MCC: variants seen among roughly 807,000 people sequenced by gnomAD.
MCC encodes the protein MCC regulator of Wnt signaling pathway.
MCC carries 90 observed loss-of-function variants against 116.2 expected under a neutral mutation model. That is an observed-to-expected ratio of 0.77 (90% confidence interval 0.65 to 0.92). MCC has a LOEUF of 0.92. Among genes scored for constraint, MCC ranks in the 40% least tolerant of loss-of-function variants. The pLI, the probability that MCC is intolerant of heterozygous loss-of-function variation, is 0.00. For missense variants in MCC, 1,516 were observed against 1,312.2 expected, an observed-to-expected ratio of 1.16 and a Z score of -2.40; for synonymous variants, 578 against 510.5, an observed-to-expected ratio of 1.13 and a Z score of -1.78.
At chr5:113,202,030 T>A (rs1368753217) in intron 3 of MCC, among the ~76,000 whole-genome samples, 1 of 152,094 alleles carries the variant, frequency 6.6e-6, no homozygotes, top group Non-Finnish European at 1.5e-5. Flanking sequence ...CACAACCCAG[T>A]CAACAGCAAG....
chr5:113,429,699 G>A (rs1770576808), intron 1 of MCC, among the ~76,000 whole-genome samples: 1 of 152,220 alleles, frequency 6.6e-6, no homozygotes, highest in African/African-American at 2.4e-5. Context: ...GTGGTGTTCT[G>A]TTCAGGGTTT....
intron 3 of MCC, among the ~76,000 whole-genome samples, chr5:113,302,293 G>C (rs937175859): frequency 3.9e-5 from 6 of 151,980 alleles, no homozygotes; most frequent in Admixed American, 6.6e-5. Flanking sequence ...ACAAAACAAT[G>C]TGGTTTCTTC....
chr5:113,196,903 C>T (rs1053471010), intron 3 of MCC, among the ~76,000 whole-genome samples: 5 of 152,086 alleles, frequency 3.3e-5, no homozygotes, highest in Non-Finnish European at 7.4e-5. Flanking sequence ...TGAGTTTGGG[C>T]CCTGTGATCT....
At chr5:113,324,455 C>T (rs1324230141) in intron 3 of MCC, among the ~76,000 whole-genome samples, 1 of 152,062 alleles carries the variant, frequency 6.6e-6, no homozygotes, top group African/African-American at 2.4e-5. Context: ...ACCAATCACC[C>T]AAATTACACA....
intron 1 of MCC, among the ~76,000 whole-genome samples, chr5:113,420,042 AAAAAT>A: frequency 6.6e-6 from 1 of 151,022 alleles, no homozygotes; most frequent in Non-Finnish European, 1.5e-5. Context: ...AAATAAAAAT[AAAAAT>A]AAAAAAGAAA....
At chr5:113,217,697 T>C (rs915493732) in intron 3 of MCC, among the ~76,000 whole-genome samples, 4 of 150,854 alleles carry the variant, frequency 2.7e-5, no homozygotes, top group African/African-American at 5.0e-5. Context: ...GTGCCCCTAA[T>C]CTGATGCTCC....
chr5:113,292,678 TCTTC>T (rs919709699), intron 3 of MCC, among the ~76,000 whole-genome samples: 1 of 152,194 alleles, frequency 6.6e-6, no homozygotes, highest in Non-Finnish European at 1.5e-5. Context: ...AATTCACATC[TCTTC>T]CTTCACTCAG....
At chr5:113,094,879 C>A (rs560707689) in intron 8 of MCC, among the ~76,000 whole-genome samples, 16 of 152,292 alleles carry the variant, frequency 1.1e-4, no homozygotes, top group African/African-American at 3.6e-4. Flanking sequence ...CTCACAATCT[C>A]CGTGGCTCAA....
intron 3 of MCC, among the ~76,000 whole-genome samples, chr5:113,262,567 C>A (rs1307735549): frequency 6.6e-6 from 1 of 152,116 alleles, no homozygotes; most frequent in African/African-American, 2.4e-5. Flanking sequence ...CACCTTAATT[C>A]CCCATCATGA....
chr5:113,027,413 C>A lies in MCC; in HGVS notation c.2949G>T (p.Gln983His), dbSNP rs1402195641. 1.2e-6 allele frequency: 2 copies of A among 1,614,116 alleles called. No individual in the cohort carries two copies. The highest frequency in any genetic ancestry group is 2.7e-5 in the African/African-American group (2 of 74,938). ...CATGTCTCTCCACCATGGCCATCAT[C>A]TGCGACTCTAACTTCTTCAGTTTGT... ...HQNKLKKLES[Q>H]MMAMVERHET... The change falls in exon 19 of 19, where the codon CAG becomes CAT. Residue 983 changes from glutamine to histidine, a missense_variant. Transcript: ENST00000408903.
intron 2 of MCC, among the ~76,000 whole-genome samples, chr5:113,380,291 C>T (rs1476301923): frequency 1.3e-5 from 2 of 152,246 alleles, no homozygotes; most frequent in Admixed American, 6.5e-5. Flanking sequence ...AACTCCTGTT[C>T]ACAGTATTTC....
At chr5:113,341,996 A>T (rs1369731725) in intron 2 of MCC, among the ~76,000 whole-genome samples, 4 of 121,492 alleles carry the variant, frequency 3.3e-5, no homozygotes, top group Non-Finnish European at 7.0e-5. Flanking sequence ...CCCCCCACTC[A>T]CACTTTCCCC....
chr5:113,443,359 C>T (rs973084604), intron 1 of MCC, among the ~76,000 whole-genome samples: 11 of 152,182 alleles, frequency 7.2e-5, no homozygotes, highest in African/African-American at 2.7e-4. Flanking sequence ...TATCCCGAGA[C>T]ACTGCTGAAG....
intron 11 of MCC, among the ~76,000 whole-genome samples, chr5:113,081,003 T>C (rs981260091): frequency 2.6e-5 from 4 of 152,138 alleles, no homozygotes; most frequent in African/African-American, 4.8e-5. Flanking sequence ...GCATGCCACA[T>C]AGCCTAGCAT....
Position 113,249,613 on chromosome 5 carries a change from C to A in MCC, c.627+90906G>T, listed in dbSNP as rs1387234996. Among the ~76,000 whole-genome samples the A allele has an allele frequency of 2.6e-5, 4 of 152,182 alleles. 1 individual carries two copies. The South Asian group carries it at 6.2e-4, about 24-fold the overall frequency. ...CTTCTCTCCTTTCCTCTTGGCTCAC[C>A]CCCCAAAAATAAGCAGGTAAATCTG... On this transcript the variant is annotated intron_variant, in intron 3 of 18. Coordinates refer to ENST00000408903, the MANE Select transcript of MCC (RefSeq NM_001085377.2).
chr5:113,399,459 T>C (rs938710948), intron 1 of MCC, among the ~76,000 whole-genome samples: 1 of 152,174 alleles, frequency 6.6e-6, no homozygotes, highest in African/African-American at 2.4e-5. Context: ...CACTCCAGCC[T>C]GGCCGACAGA....
chr5:113,166,838 C>T (rs1760800347), intron 3 of MCC, among the ~76,000 whole-genome samples: 1 of 151,948 alleles, frequency 6.6e-6, no homozygotes, highest in African/African-American at 2.4e-5. Flanking sequence ...TTAGCACTAG[C>T]TGCCAAGCAT....
chr5:113,043,709 G>C, intron 16 of MCC, 79 bp from the exon 17 acceptor site: 1 of 1,006,832 alleles, frequency 9.9e-7, no homozygotes, highest in Non-Finnish European at 1.5e-6. Context: ...GAGCGCGGTA[G>C]GTGGCTCGTG....
At chr5:113,165,660 C>T (rs1163479835) in intron 3 of MCC, among the ~76,000 whole-genome samples, 3 of 152,102 alleles carry the variant, frequency 2.0e-5, no homozygotes, top group Admixed American at 1.3e-4. Flanking sequence ...ATAAAAGAAA[C>T]GTTTCCTTGG....
Sources: gnomAD v4.1 joint callset for allele counts (sites outside exome capture counted in the v4.1 genomes callset) on GRCh38, gnomAD v4.1.1 for gene constraint, MANE v1.5 for transcripts, NCBI Gene and HGNC (gene_info 2026-07-23, HGNC 2026-07-21) for gene names.